TRIM55: variants seen among roughly 807,000 people sequenced by gnomAD.
The protein encoded by TRIM55 is tripartite motif-containing protein 55.
TRIM55 carries 50 observed loss-of-function variants against 60.9 expected under a neutral mutation model. The observed-to-expected ratio is 0.82, with a 90% CI of 0.65 to 1.04. The LOEUF (loss-of-function observed/expected upper bound fraction) is 1.04, where lower values mean the gene tolerates loss of function less well. Among genes scored for constraint, TRIM55 ranks in the 50% least tolerant of loss-of-function variants. The pLI is 0.00. For missense variants in TRIM55, 681 were observed against 666.9 expected (o/e 1.02, Z -0.23); for synonymous variants, 237 against 238.1 (o/e 1.00, Z 0.04).
the TRIM55 span, among the ~76,000 whole-genome samples, chr8:66,114,080 A>ACCCCCCC: frequency 3.0e-4 from 12 of 39,536 alleles, 2 homozygotes; most frequent in East Asian, 1.5e-3. Flanking sequence ...CGAAGGAGAG[A>ACCCCCCC]CACCCCCCCC....
chr8:66,166,379 C>A (rs557362526), intron 9 of TRIM55, among the ~76,000 whole-genome samples: 1 of 152,168 alleles, frequency 6.6e-6, no homozygotes, highest in Non-Finnish European at 1.5e-5. Flanking sequence ...AGCTAAGCTT[C>A]CTGTGTTTTC....
At chr8:66,122,112 G>C (rs1808655052), upstream of TRIM55, among the ~76,000 whole-genome samples, 1 of 152,194 alleles carries the variant, frequency 6.6e-6, no homozygotes, top group Non-Finnish European at 1.5e-5. Flanking sequence ...AAAAAAGAAT[G>C]CAGAGAGGAA....
chr8:66,154,001 TTC>T (rs1810585504), intron 8 of TRIM55, 44 bp from the exon 9 acceptor site: 18 of 1,537,282 alleles, frequency 1.2e-5, no homozygotes, highest in Non-Finnish European at 1.5e-5. Flanking sequence ...CTTCTTCTTC[TTC>T]TTTTTTTTTT....
At chr8:66,113,997 G>C in the TRIM55 span, among the ~76,000 whole-genome samples, 1 of 151,542 alleles carries the variant, frequency 6.6e-6, no homozygotes, top group African/African-American at 2.4e-5. Context: ...CCCTTCGATA[G>C]CTCAGCTGGT....
intron 9 of TRIM55, among the ~76,000 whole-genome samples, chr8:66,165,794 G>A (rs1811296035): frequency 6.6e-6 from 1 of 152,162 alleles, no homozygotes; most frequent in Admixed American, 6.5e-5. Flanking sequence ...GAAATTATAA[G>A]AAGCTATGGT....
chr8:66,125,157 ATCT>A (rs1241007497), upstream of TRIM55, among the ~76,000 whole-genome samples: 1 of 152,198 alleles, frequency 6.6e-6, no homozygotes, highest in Non-Finnish European at 1.5e-5. Flanking sequence ...AGCCTTCGAA[ATCT>A]TCTTTGGAGA....
At chr8:66,125,317 A>C (rs76096724), upstream of TRIM55, among the ~76,000 whole-genome samples, 309 of 151,998 alleles carry the variant, frequency 2.0e-3, 3 homozygotes, top group African/African-American at 7.2e-3. Context: ...TCTCATCTCC[A>C]CTCTTATACT....
intron 9 of TRIM55, among the ~76,000 whole-genome samples, chr8:66,169,059 C>G (rs1811475028): frequency 6.6e-6 from 1 of 152,122 alleles, no homozygotes; most frequent in South Asian, 2.1e-4. Context: ...GTCATGGAGG[C>G]CCTGGGAAAC....
At chr8:66,164,292 G>A (rs1240334703) in intron 9 of TRIM55, among the ~76,000 whole-genome samples, 1 of 152,208 alleles carries the variant, frequency 6.6e-6, no homozygotes, top group Non-Finnish European at 1.5e-5. Context: ...GACGGTTGAG[G>A]TGCCTGATAC....
At position 66,166,505 on chromosome 8, in the gene TRIM55, C is replaced by T. The variant is rs746562483; in HGVS notation, c.1525-7966C>T. ...GATTTTCATGGTACACCTCTTCTTC[C>T]ACTACACTCCACGAAGTGAAGAGTT... On this transcript the variant is annotated intron_variant, in intron 9 of 9. Transcript: ENST00000315962. 7.2e-5 allele frequency among the ~76,000 whole-genome samples: 11 copies of T among 152,320 alleles called. No individual in the cohort carries two copies. In the South Asian group the frequency reaches 1.4e-3, roughly 20 times the overall value.
chr8:66,152,444 A>G lies in TRIM55; in HGVS notation c.1053A>G (p.Gly351=), dbSNP rs1352407737. The change falls in exon 8 of 10, where the codon GGA becomes GGG. Residue 351 remains glycine (G), a synonymous_variant. Transcript: ENST00000315962. ...AAGAAGGAGAAGGAGAAGTGGGAGG[A>G]GAAGCAGTAGAAGTGGAAGAGGTAG... ...GEKEGEGEVG[G]EAVEVEEVEN... is the part of the protein sequence containing the mutation. 5.6e-6 allele frequency: 9 copies of G among 1,613,678 alleles called. No individual in the cohort carries two copies. The highest frequency in any genetic ancestry group is 6.8e-6 in the Non-Finnish European group (8 of 1,179,646).
At chr8:66,147,662 G>A (rs1292557634) in intron 4 of TRIM55, among the ~76,000 whole-genome samples, 2 of 151,924 alleles carry the variant, frequency 1.3e-5, no homozygotes, top group Non-Finnish European at 2.9e-5. Flanking sequence ...GGGCAAGGTG[G>A]CATGTGCCTG....
chr8:66,116,883 T>C, the TRIM55 span, among the ~76,000 whole-genome samples: 264 of 152,352 alleles, frequency 1.7e-3, no homozygotes, highest in Middle Eastern at 3.4e-3. Context: ...ATATAGCTTA[T>C]GAATGTAGAT....
intron 2 of TRIM55, among the ~76,000 whole-genome samples, chr8:66,130,224 A>T (rs1306255762): frequency 2.0e-5 from 3 of 152,252 alleles, no homozygotes; most frequent in Non-Finnish European, 2.9e-5. Flanking sequence ...AATAGTACCC[A>T]GGCCTGGGAA....
Position 66,154,203 on chromosome 8 carries a change from G to A in TRIM55, c.1393G>A (p.Gly465Ser), listed in dbSNP as rs773994334. The change falls in exon 9 of 10, where the codon GGT becomes AGT. Residue 465 changes from glycine to serine, a missense_variant. By Grantham distance (56) the Gly-to-Ser change is moderately conservative (BLOSUM62 0). Transcript: ENST00000315962. ...CCCACCTTGCACCCCAGGGAGCGAA[G>A]GTCTGGGGCAAATAGGGCCTCCAGG... ...TNPPCTPGSE[G>S]LGQIGPPGSE... The A allele has an allele frequency of 1.2e-6, 2 of 1,613,980 alleles. No homozygotes were observed. The highest frequency in any genetic ancestry group is 1.7e-6 in the Non-Finnish European group (2 of 1,180,018).
chr8:66,119,667 A>G, the TRIM55 span, among the ~76,000 whole-genome samples: 6 of 152,344 alleles, frequency 3.9e-5, no homozygotes, highest in East Asian at 9.6e-4. Flanking sequence ...ACATCACTCT[A>G]GCCAGAGAGT....
chr8:66,155,743 T>A (rs1410610045), intron 9 of TRIM55: 1 of 1,402,838 alleles, frequency 7.1e-7, no homozygotes, highest in African/African-American at 1.4e-5. Context: ...TTGACTAACA[T>A]CTCACATAGT....
chr8:66,172,780 A>G (rs759355758), intron 9 of TRIM55, among the ~76,000 whole-genome samples: 1 of 152,208 alleles, frequency 6.6e-6, no homozygotes, highest in African/African-American at 2.4e-5. Context: ...TTAGATTAGA[A>G]ACTGCCTTCA....
chr8:66,127,767 G>A (rs182487432), intron 1 of TRIM55, among the ~76,000 whole-genome samples: 252 of 152,236 alleles, frequency 1.7e-3, no homozygotes, highest in African/African-American at 5.8e-3. Context: ...CCCAGGAGGC[G>A]GACATTGCAG....
Sources: gnomAD v4.1 joint callset for allele counts (sites outside exome capture counted in the v4.1 genomes callset) on GRCh38, gnomAD v4.1.1 for gene constraint, MANE v1.5 for transcripts, NCBI Gene and HGNC (gene_info 2026-07-23, HGNC 2026-07-21) for gene names.